Variants in ST3GAL3 observed in about 807,000 individuals in gnomAD.
ST3GAL3 encodes CMP-N-acetylneuraminate-beta-1,4-galactoside alpha-2,3-sialyltransferase.
In ST3GAL3, 21 loss-of-function variants were observed where a neutral mutation model predicts 50.1. The observed-to-expected ratio is 0.42, with a 90% confidence interval of 0.30 to 0.60. The LOEUF (loss-of-function observed/expected upper bound fraction) is 0.60, where lower values mean the gene tolerates loss of function less well. Among genes scored for constraint, ST3GAL3 ranks in the 20% least tolerant of loss-of-function variants. The probability of loss-of-function intolerance (pLI) is 0.19; values close to 1 mark genes in which losing one functional copy is unlikely to be tolerated. For synonymous variants in ST3GAL3, 183 were observed against 190.0 expected (o/e 0.96, Z 0.30); for missense variants, 353 against 489.4 (o/e 0.72, Z 2.63).
At chr1:43,912,406 CA>C (rs1487485532) in intron 9 of ST3GAL3, 1 of 152,074 alleles carries the variant, frequency 6.6e-6, no homozygotes, top group Non-Finnish European at 1.5e-5. Flanking sequence ...TGAGGGTTCA[CA>C]ATCAGACCTG....
chr1:43,911,592 T>C (rs2080876956), intron 9 of ST3GAL3, among the ~76,000 whole-genome samples: 1 of 151,100 alleles, frequency 6.6e-6, no homozygotes, highest in Admixed American at 6.6e-5. Flanking sequence ...TCTATAGATA[T>C]ATCTGTAGCT....
intron 3 of ST3GAL3, among the ~76,000 whole-genome samples, chr1:43,800,397 CCTT>C (rs1353189306): frequency 1.3e-5 from 2 of 152,212 alleles, no homozygotes; most frequent in Non-Finnish European, 2.9e-5. Flanking sequence ...TTTGGCCAGA[CCTT>C]CTCAGGCCTC....
rs141061957 is a variant in ST3GAL3 at position 43,756,470 on chromosome 1, T to C, written c.118+20090T>C. 4.8e-3 allele frequency among the ~76,000 whole-genome samples: 735 copies of C among 152,202 alleles called. 12 individuals are homozygous for C. The highest frequency in any genetic ancestry group is 0.017 in the African/African-American group (699 of 41,520). On this transcript the variant is annotated intron_variant, in intron 2 of 11. Transcript: ENST00000347631. ...AGTTTATTATATGTAAATTATTCCT[T>C]TATAAAGTTGATAAGAAAAAGCACA...
chr1:43,786,604 A>G (rs2057370707), intron 2 of ST3GAL3, among the ~76,000 whole-genome samples: 1 of 152,136 alleles, frequency 6.6e-6, no homozygotes, highest in Non-Finnish European at 1.5e-5. Flanking sequence ...ATGCTTTAAT[A>G]TTCTTCGTAC....
intron 1 of ST3GAL3, chr1:43,709,494 C>A (rs1375723397): frequency 1.3e-5 from 2 of 151,954 alleles, no homozygotes; most frequent in Non-Finnish European, 2.9e-5. Flanking sequence ...GGCGATCCTC[C>A]CACCTCAGCT....
intron 1 of ST3GAL3, among the ~76,000 whole-genome samples, chr1:43,725,685 C>T (rs1389024148): frequency 2.0e-5 from 3 of 152,108 alleles, no homozygotes; most frequent in African/African-American, 7.2e-5. Context: ...CCCACTCTGT[C>T]ACCCAGGCTG....
intron 1 of ST3GAL3, chr1:43,727,153 C>T (rs1246576834): frequency 6.6e-6 from 1 of 152,142 alleles, no homozygotes; most frequent in East Asian, 1.9e-4. Flanking sequence ...GCTCCTCAGG[C>T]TGATTCCTTT....
chr1:43,850,718 C>A, intron 5 of ST3GAL3: 2 of 741,340 alleles, frequency 2.7e-6, no homozygotes, highest in Non-Finnish European at 5.0e-6. Flanking sequence ...GGTAGCCCAG[C>A]TCCGTCAGTG....
intron 5 of ST3GAL3, among the ~76,000 whole-genome samples, chr1:43,846,963 A>G (rs1415656707): frequency 2.0e-5 from 3 of 152,220 alleles, no homozygotes; most frequent in African/African-American, 7.2e-5. Context: ...ACAAGAAAAA[A>G]ACTGATTTAA....
chr1:43,857,502 T>TC lies in ST3GAL3; in HGVS notation c.302+19192dup, dbSNP rs1279783561. Among the ~76,000 whole-genome samples the TC allele has an allele frequency of 5.5e-3, 602 of 109,894 alleles. 10 individuals carry two copies. In the East Asian group the frequency reaches 0.068, roughly 12 times the overall value. The allele number at this position is 109,894 out of a possible 152,430, so 72.1% of individuals were successfully genotyped here. A position where few individuals can be genotyped will look rare whatever the true frequency, so the allele number is the denominator to read the frequency against. ...TTCCTTCCTTCCTTCCTTCCTTCCC[T>TC]CTTCCTTCCTTCCTTCCTTCCCTCC... On this transcript the variant is annotated intron_variant, in intron 5 of 11. Transcript: ENST00000347631.
At chr1:43,833,273 G>A (rs1446140889) in intron 4 of ST3GAL3, among the ~76,000 whole-genome samples, 1 of 152,144 alleles carries the variant, frequency 6.6e-6, no homozygotes, top group South Asian at 2.1e-4. Context: ...ACTGATTTCA[G>A]TCCAGCATTT....
intron 5 of ST3GAL3, among the ~76,000 whole-genome samples, chr1:43,846,359 G>GATAGTCAA (rs2066256534): frequency 6.6e-6 from 1 of 151,896 alleles, no homozygotes; most frequent in Admixed American, 6.6e-5. Flanking sequence ...TTTTCTTATT[G>GATAGTCAA]ATAGTCAAAT....
intron 2 of ST3GAL3, chr1:43,772,126 C>T (rs567010237): frequency 2.0e-5 from 8 of 398,002 alleles, no homozygotes; most frequent in East Asian, 7.1e-5. Flanking sequence ...CTCTGCTCAC[C>T]GCAACCTCCG....
At chr1:43,904,786 C>G (rs1372475095) in intron 9 of ST3GAL3, among the ~76,000 whole-genome samples, 1 of 150,296 alleles carries the variant, frequency 6.7e-6, no homozygotes, top group Admixed American at 6.6e-5. Flanking sequence ...TCCTGCCACT[C>G]TTCCTCCCCC....
chr1:43,769,540 C>T (rs182015260), intron 2 of ST3GAL3, among the ~76,000 whole-genome samples: 1 of 151,874 alleles, frequency 6.6e-6, no homozygotes. Flanking sequence ...TTCTTTTTTT[C>T]AACACATATT....
At chr1:43,868,957 G>A (rs1300742274) in intron 5 of ST3GAL3, among the ~76,000 whole-genome samples, 1 of 152,152 alleles carries the variant, frequency 6.6e-6, no homozygotes, top group Non-Finnish European at 1.5e-5. Flanking sequence ...GTCCCTAGAT[G>A]CTAGCACTGA....
rs975316126 is a variant in ST3GAL3, at chr1:43,858,320, G to A, written c.302+20009G>A. ...CTATGCTGGGAAAGGTGGGGCTTCG[G>A]CAGCAAGACCAGACACACTGGTGGG... is the stretch of plus-strand genomic sequence containing the variant. On this transcript the variant is annotated intron_variant, in intron 5 of 11. Coordinates refer to ENST00000347631, the MANE Select transcript of ST3GAL3 (RefSeq NM_006279.5). 7.9e-6 allele frequency: 10 copies of A among 1,261,814 alleles called. No individual in the cohort carries two copies. The Admixed American group carries it at 9.5e-5, about 12-fold the overall frequency. 78.2% of individuals were successfully genotyped at this position (1,261,814 alleles called of 1,614,324 possible).
intron 5 of ST3GAL3, among the ~76,000 whole-genome samples, chr1:43,862,153 A>G (rs1570017502): frequency 6.6e-6 from 1 of 152,070 alleles, no homozygotes; most frequent in South Asian, 2.1e-4. Context: ...TCTCCCCTCC[A>G]AAGGGGCCTG....
At chr1:43,927,451 C>G (rs115138049) in intron 11 of ST3GAL3, among the ~76,000 whole-genome samples, 1 of 152,076 alleles carries the variant, frequency 6.6e-6, no homozygotes, top group Admixed American at 6.6e-5. Context: ...ATGTCCAGTC[C>G]TCTGCTGACC....
Sources: gnomAD v4.1 joint callset for allele counts (sites outside exome capture counted in the v4.1 genomes callset) on GRCh38, gnomAD v4.1.1 for gene constraint, MANE v1.5 for transcripts, NCBI Gene and HGNC (gene_info 2026-07-23, HGNC 2026-07-21) for gene names.